The following ANAPC10 variants were observed in gnomAD, a reference collection of about 807,000 sequenced individuals.
ANAPC10 encodes anaphase-promoting complex subunit 10.
Under a neutral mutation model 22.0 loss-of-function variants are expected in ANAPC10, and 12 were observed. That is an observed-to-expected ratio of 0.55 (90% CI 0.35 to 0.88). ANAPC10 has a LOEUF of 0.88. ANAPC10 is among the 40% of genes least tolerant of loss of function. ANAPC10 has a pLI of 0.01. For synonymous variants in ANAPC10, 65 were observed against 69.5 expected, an observed-to-expected ratio of 0.94 and a Z score of 0.32; for missense variants, 188 against 220.9, an observed-to-expected ratio of 0.85 and a Z score of 0.94.
chr4:145,015,456 C>T (rs541766905), intron 4 of ANAPC10, among the ~76,000 whole-genome samples: 1 of 151,942 alleles, frequency 6.6e-6, no homozygotes, highest in South Asian at 2.1e-4. Context: ...AACAACCAAA[C>T]TTAAGAATAA....
At chr4:145,074,702 C>T (rs1246994924) in intron 3 of ANAPC10, among the ~76,000 whole-genome samples, 1 of 152,160 alleles carries the variant, frequency 6.6e-6, no homozygotes, top group Non-Finnish European at 1.5e-5. Context: ...ATCATGTAAT[C>T]TAACCACCAT....
chr4:145,082,009 T>C (rs1240596639), intron 2 of ANAPC10, among the ~76,000 whole-genome samples: 1 of 152,160 alleles, frequency 6.6e-6, no homozygotes, highest in East Asian at 1.9e-4. Context: ...AGCACCCAGC[T>C]GTGAAACTTA....
intron 4 of ANAPC10, among the ~76,000 whole-genome samples, chr4:145,037,972 A>T (rs894261576): frequency 5.4e-5 from 8 of 147,134 alleles, no homozygotes; most frequent in African/African-American, 2.0e-4. Context: ...AAAAAAATCC[A>T]GTTGAAGCAG....
intron 4 of ANAPC10, among the ~76,000 whole-genome samples, chr4:145,005,568 ATCTT>A (rs1464561445): frequency 1.3e-5 from 2 of 152,034 alleles, no homozygotes; most frequent in Admixed American, 1.3e-4. Flanking sequence ...TTAAATTGAG[ATCTT>A]TCTAACTTTT....
chr4:145,019,541 A>C (rs1209319564), intron 4 of ANAPC10, among the ~76,000 whole-genome samples: 1 of 152,190 alleles, frequency 6.6e-6, no homozygotes, highest in Non-Finnish European at 1.5e-5. Context: ...AAGGAACTAG[A>C]GAAACACGAA....
intron 4 of ANAPC10, among the ~76,000 whole-genome samples, chr4:145,021,023 C>T (rs1302950136): frequency 6.6e-6 from 1 of 151,690 alleles, no homozygotes; most frequent in African/African-American, 2.4e-5. Context: ...ACCATACCAC[C>T]AAAAGCAACC....
chr4:145,027,095 C>G (rs1401209859), intron 4 of ANAPC10, among the ~76,000 whole-genome samples: 1 of 135,712 alleles, frequency 7.4e-6, no homozygotes, highest in Non-Finnish European at 1.5e-5. Flanking sequence ...CCTCTGCCAC[C>G]TGGGTTCAAG....
In ANAPC10 at chr4:145,056,552, T is replaced by C. The variant is rs563875346; in HGVS notation, c.327+8020A>G. Among the ~76,000 whole-genome samples the C allele has an allele frequency of 1.7e-4, 26 of 152,248 alleles. No individual in the cohort carries two copies. The South Asian group carries it at 5.0e-3, about 29-fold the overall frequency. On this transcript the variant is annotated intron_variant, in intron 4 of 4. Transcript: ENST00000507656. ...TTGCGCAAGATATAAGAACCCCCTC[T>C]TGGGGTCTGGATTGGGACCCCTTTC...
chr4:145,025,378 A>C (rs1171561897), intron 4 of ANAPC10, among the ~76,000 whole-genome samples: 2 of 143,008 alleles, frequency 1.4e-5, no homozygotes, highest in Non-Finnish European at 3.1e-5. Context: ...TTTGAGTTAA[A>C]GTGAGAGATG....
intron 4 of ANAPC10, among the ~76,000 whole-genome samples, chr4:145,009,289 A>C (rs544781473): frequency 2.0e-5 from 3 of 152,304 alleles, no homozygotes; most frequent in East Asian, 3.9e-4. Context: ...TGTCATCCCC[A>C]TCAAACTACC....
intron 2 of ANAPC10, among the ~76,000 whole-genome samples, chr4:145,088,479 C>T (rs984542553): frequency 1.3e-5 from 2 of 152,196 alleles, no homozygotes; most frequent in Non-Finnish European, 2.9e-5. Flanking sequence ...TCCACTCCCT[C>T]CTTCTTTCTC....
chr4:145,075,830 G>C (rs997551391), intron 3 of ANAPC10, among the ~76,000 whole-genome samples: 1 of 152,178 alleles, frequency 6.6e-6, no homozygotes, highest in Non-Finnish European at 1.5e-5. Flanking sequence ...GTTTGGCATG[G>C]AAATGGCTAC....
chr4:145,060,745 A>G (rs1742766742), intron 4 of ANAPC10, among the ~76,000 whole-genome samples: 1 of 152,076 alleles, frequency 6.6e-6, no homozygotes. Flanking sequence ...AAAAATTCAC[A>G]CTATTTTAAT....
chr4:145,004,810 T>G (rs1247584404), intron 4 of ANAPC10, among the ~76,000 whole-genome samples: 1 of 152,142 alleles, frequency 6.6e-6, no homozygotes, highest in Non-Finnish European at 1.5e-5. Context: ...AGTTTTCTTT[T>G]TTGTTGTTGT....
chr4:145,008,058 C>G (rs868446221), intron 4 of ANAPC10, among the ~76,000 whole-genome samples: 10 of 151,914 alleles, frequency 6.6e-5, no homozygotes, highest in Admixed American at 3.9e-4. Context: ...CTATAAACAC[C>G]TCTATGCAAA....
At chr4:145,031,689 A>G (rs866160167) in intron 4 of ANAPC10, among the ~76,000 whole-genome samples, 2 of 152,228 alleles carry the variant, frequency 1.3e-5, no homozygotes, top group Admixed American at 1.3e-4. Context: ...TTGAGGTATC[A>G]GTGGCAGATA....
At chr4:145,079,329 T>C (rs1353366427) in intron 3 of ANAPC10, among the ~76,000 whole-genome samples, 1 of 152,124 alleles carries the variant, frequency 6.6e-6, no homozygotes, top group Non-Finnish European at 1.5e-5. Context: ...TGAGATACCA[T>C]TTCACACACA....
At chr4:145,012,289 T>C (rs771643615) in intron 4 of ANAPC10, among the ~76,000 whole-genome samples, 9 of 151,194 alleles carry the variant, frequency 6.0e-5, no homozygotes, top group African/African-American at 9.7e-5. Context: ...ACTTAACATA[T>C]TGAAAATATT....
intron 4 of ANAPC10, among the ~76,000 whole-genome samples, chr4:145,054,660 TGCAGC>T (rs1339798122): frequency 1.7e-4 from 24 of 144,372 alleles, no homozygotes; most frequent in Middle Eastern, 3.8e-3. Context: ...CGCGCGTGCG[TGCAGC>T]GCATGTGTGT....
Sources: allele counts gnomAD v4.1 joint callset (sites outside exome capture counted in the v4.1 genomes callset), GRCh38; gene constraint gnomAD v4.1.1; transcripts MANE v1.5; gene names NCBI Gene and HGNC (gene_info 2026-07-23, HGNC 2026-07-21).